CRADD: variants seen among roughly 807,000 people sequenced by gnomAD.
The protein encoded by CRADD is death domain-containing protein CRADD.
CRADD carries 9 observed loss-of-function variants against 15.5 expected under a neutral mutation model. The ratio of observed to expected loss-of-function variants is 0.58; its 90% CI spans 0.35 to 1.01. CRADD has a LOEUF of 1.01. CRADD is among the 50% of genes least tolerant of loss of function. CRADD has a pLI of 0.02. For missense variants in CRADD, 227 were observed against 250.3 expected (o/e 0.91, Z 0.63); for synonymous variants, 118 against 107.6 (o/e 1.10, Z -0.60).
intron 2 of CRADD, among the ~76,000 whole-genome samples, chr12:93,732,615 G>A (rs565640149): frequency 6.6e-6 from 1 of 152,282 alleles, no homozygotes; most frequent in South Asian, 2.1e-4. Context: ...TTGAATAGTG[G>A]AACTCTTGTG....
chr12:93,879,337 A>G (rs1177882272), intron 2 of CRADD, among the ~76,000 whole-genome samples: 1 of 152,076 alleles, frequency 6.6e-6, no homozygotes, highest in East Asian at 1.9e-4. Flanking sequence ...GGCTGCCTGC[A>G]TTTGCTCTCT....
At chr12:93,760,444 T>A (rs1198201082) in intron 2 of CRADD, among the ~76,000 whole-genome samples, 1 of 152,206 alleles carries the variant, frequency 6.6e-6, no homozygotes, top group East Asian at 1.9e-4. Context: ...ATCTTCTTAG[T>A]TCTTGCTTTT....
intron 2 of CRADD, among the ~76,000 whole-genome samples, chr12:93,811,511 C>T (rs1418815809): frequency 6.6e-6 from 1 of 152,208 alleles, no homozygotes; most frequent in Non-Finnish European, 1.5e-5. Context: ...TGTAGTGTAG[C>T]AGGATGATCA....
At chr12:93,715,844 A>G (rs1956152300) in intron 2 of CRADD, among the ~76,000 whole-genome samples, 1 of 152,146 alleles carries the variant, frequency 6.6e-6, no homozygotes, top group African/African-American at 2.4e-5. Flanking sequence ...AATCTGAAGT[A>G]GAAAAAAATT....
At chr12:93,812,348 A>C (rs1311634001) in intron 2 of CRADD, among the ~76,000 whole-genome samples, 1 of 152,200 alleles carries the variant, frequency 6.6e-6, no homozygotes, top group Non-Finnish European at 1.5e-5. Flanking sequence ...TAAAAAGCTT[A>C]AACAAGGCAA....
At position 93,824,735 on chromosome 12, in the gene CRADD, C is replaced by T. The variant is rs1287826395; in HGVS notation, c.299-25235C>T. On this transcript the variant is annotated intron_variant, in intron 2 of 2. Coordinates refer to ENST00000332896, the MANE Select transcript of CRADD (RefSeq NM_003805.5). The surrounding 1 kb of genome is among the most constrained non-coding windows in gnomAD (Gnocchi z 4.3). ...AAGTGATAATGTTTATTTACCAGAA[C>T]TTTAAATGCTGATTGTGGTGTCTGT... 6.6e-6 allele frequency among the ~76,000 whole-genome samples: 1 copy of T among 152,148 alleles called. No homozygotes were observed. The highest frequency in any genetic ancestry group is 1.5e-5 in the Non-Finnish European group (1 of 68,032).
Position 93,841,208 on chromosome 12 carries a change from A to G in CRADD, c.299-8762A>G, listed in dbSNP as rs1322050321. On this transcript the variant is annotated intron_variant, in intron 2 of 2. Coordinates refer to ENST00000332896, the MANE Select transcript of CRADD (RefSeq NM_003805.5). ...ACTTGTTCATGATATGTTACTTTCA[A>G]TTTTTTGATTCAATTACTTAATATT... Among the ~76,000 whole-genome samples, 7 of 152,220 alleles carry G rather than the reference A, an allele frequency of 4.6e-5. No individual in the cohort carries two copies. The East Asian group carries it at 5.8e-4, about 13-fold the overall frequency.
At chr12:93,808,308 G>C (rs1052917689) in intron 2 of CRADD, among the ~76,000 whole-genome samples, 1 of 152,112 alleles carries the variant, frequency 6.6e-6, no homozygotes, top group African/African-American at 2.4e-5. Context: ...GGCAGAAGGC[G>C]AATGAGGAAC....
intron 2 of CRADD, among the ~76,000 whole-genome samples, chr12:93,796,740 G>A (rs554189183): frequency 9.9e-5 from 15 of 152,110 alleles, no homozygotes; most frequent in African/African-American, 3.4e-4. Context: ...GTTTTTACCT[G>A]AAACCCCTAT....
chr12:93,813,640 T>A (rs992221675), intron 2 of CRADD, among the ~76,000 whole-genome samples: 1 of 152,126 alleles, frequency 6.6e-6, no homozygotes, highest in Non-Finnish European at 1.5e-5. Flanking sequence ...GTATGACAAA[T>A]TATCTCAAAG....
chr12:93,778,788 C>G (rs778483138), intron 2 of CRADD, among the ~76,000 whole-genome samples: 1 of 147,044 alleles, frequency 6.8e-6, no homozygotes, highest in Non-Finnish European at 1.5e-5. Flanking sequence ...TTAGTTATTG[C>G]CTGTATTAGA....
Position 93,850,332 on chromosome 12 carries a change from T to C in CRADD, c.*61T>C. On this transcript the variant is annotated 3_prime_UTR_variant, in exon 3 of 3. Coordinates refer to ENST00000332896, the MANE Select transcript of CRADD (RefSeq NM_003805.5). The surrounding 1 kb of genome is among the most constrained non-coding windows in gnomAD (Gnocchi z 4.0). ...GAGTCATGTGGGCTGAATCCTGACT[T>C]TCACTCAGAGCAGGTGGTTTTTTGT... 6.6e-7 allele frequency: 1 copy of C among 1,520,358 alleles called. No homozygotes were observed. The highest frequency in any genetic ancestry group is 1.3e-5 in the South Asian group (1 of 76,470). 94.2% of individuals were successfully genotyped at this position (1,520,358 alleles called of 1,614,324 possible). A position where few individuals can be genotyped will look rare whatever the true frequency, so the allele number is the denominator to read the frequency against.
downstream of CRADD, among the ~76,000 whole-genome samples, chr12:93,854,983 C>G (rs1342499575): frequency 6.6e-6 from 1 of 152,026 alleles, no homozygotes; most frequent in Non-Finnish European, 1.5e-5. Flanking sequence ...CACTTGAGCT[C>G]CAGGAGTTCG....
At chr12:93,706,441 G>T (rs111599540) in intron 2 of CRADD, among the ~76,000 whole-genome samples, 3,108 of 148,646 alleles carry the variant, frequency 0.021, 52 homozygotes, top group Middle Eastern at 0.058. Flanking sequence ...TTGTTTTTTT[G>T]TGTGTGTGTT....
chr12:93,742,465 T>C (rs1292366189), intron 2 of CRADD, among the ~76,000 whole-genome samples: 5 of 150,934 alleles, frequency 3.3e-5, no homozygotes, highest in African/African-American at 2.4e-5. Flanking sequence ...GGGCCCCGGC[T>C]GCCCAGCCCA....
chr12:93,757,017 G>A (rs979551941), intron 2 of CRADD, among the ~76,000 whole-genome samples: 2 of 152,246 alleles, frequency 1.3e-5, no homozygotes, highest in Non-Finnish European at 2.9e-5. Context: ...TCATGGCTGA[G>A]TGAAATTTTC....
chr12:93,850,919 A>G (rs1339715554), downstream of CRADD, among the ~76,000 whole-genome samples: 1 of 152,184 alleles, frequency 6.6e-6, no homozygotes, highest in African/African-American at 2.4e-5. The surrounding 1 kb of genome is among the most constrained non-coding windows in gnomAD (Gnocchi z 4.0). Context: ...GGATGTCTGT[A>G]TTAAATATTG....
intron 2 of CRADD, among the ~76,000 whole-genome samples, chr12:93,811,621 T>C (rs1362022145): frequency 6.6e-6 from 1 of 152,236 alleles, no homozygotes; most frequent in Non-Finnish European, 1.5e-5. Context: ...GAAATCTCAG[T>C]TTGTTCATCT....
rs114295967 is a variant in CRADD, at chr12:93,870,300, A to T, written c.299-23750A>T. On this transcript the variant is annotated intron_variant, in intron 2 of 2. Transcript: ENST00000548483. ...GCTAAATATTGGTAAGAACACTGAC[A>T]GTCTGTGGCACTTGAACCATGACTT... is the stretch of plus-strand genomic sequence containing the variant. 2.0e-3 allele frequency among the ~76,000 whole-genome samples: 306 copies of T among 152,344 alleles called. 2 individuals carry two copies. Among genetic ancestry groups the T allele is most frequent in the African/African-American group, 7.2e-3 (298 of 41,574 alleles).
Sources: gnomAD v4.1 joint callset for allele counts (sites outside exome capture counted in the v4.1 genomes callset) on GRCh38, gnomAD v4.1.1 for gene constraint, Gnocchi (gnomAD v3.1) non-coding constraint, MANE v1.5 for transcripts, NCBI Gene and HGNC (gene_info 2026-07-23, HGNC 2026-07-21) for gene names.